Variants in STK33 observed in about 807,000 individuals in gnomAD.
The protein encoded by STK33 is serine/threonine kinase 33.
In STK33, 52 loss-of-function variants were observed where a neutral mutation model predicts 58.0. The ratio of observed to expected loss-of-function variants is 0.90; its 90% CI spans 0.72 to 1.13. The LOEUF is 1.13. Ranked by LOEUF, STK33 falls within the 50% of genes most tolerant of loss-of-function variation. The pLI is 0.00. For missense variants in STK33, 630 were observed against 604.2 expected, an observed-to-expected ratio of 1.04 and a Z score of -0.45; for synonymous variants, 215 against 200.1, an observed-to-expected ratio of 1.07 and a Z score of -0.63.
chr11:8,453,383 T>A (rs953603894), intron 10 of STK33, among the ~76,000 whole-genome samples: 7 of 152,214 alleles, frequency 4.6e-5, no homozygotes, highest in Admixed American at 3.3e-4. Flanking sequence ...AACTCTCCTT[T>A]TTTATAATTA....
chr11:8,364,180 C>A, the STK33 span, among the ~76,000 whole-genome samples: 2 of 152,236 alleles, frequency 1.3e-5, no homozygotes, highest in African/African-American at 4.8e-5. Flanking sequence ...TCACTAAGTT[C>A]CTCTGCTGCA....
At chr11:8,452,314 A>C (rs1946381727) in intron 11 of STK33, among the ~76,000 whole-genome samples, 3 of 152,234 alleles carry the variant, frequency 2.0e-5, no homozygotes, top group Non-Finnish European at 4.4e-5. Context: ...CTTTAAGAAG[A>C]GCCCAGAGAA....
At chr11:8,522,679 A>G (rs1227025775) in intron 1 of STK33, among the ~76,000 whole-genome samples, 1 of 152,232 alleles carries the variant, frequency 6.6e-6, no homozygotes, top group East Asian at 1.9e-4. Flanking sequence ...ACATCAAACT[A>G]AAAATCTGCA....
At chr11:8,573,922 T>C (rs1464713780) in intron 1 of STK33, among the ~76,000 whole-genome samples, 1 of 152,116 alleles carries the variant, frequency 6.6e-6, no homozygotes, top group Non-Finnish European at 1.5e-5. Flanking sequence ...GAGGGGTAGG[T>C]ATGAGTATAA....
intron 1 of STK33, among the ~76,000 whole-genome samples, chr11:8,572,767 AAATAC>A (rs1286829857): frequency 6.6e-6 from 1 of 151,998 alleles, no homozygotes; most frequent in Non-Finnish European, 1.5e-5. Context: ...TACAGATGAA[AAATAC>A]AATACCTAAA....
At chr11:8,382,645 T>C in the STK33 span, among the ~76,000 whole-genome samples, 1 of 152,160 alleles carries the variant, frequency 6.6e-6, no homozygotes, top group African/African-American at 2.4e-5. Context: ...TCACCCTGTT[T>C]GGAGGGTCCA....
intron 15 of STK33, among the ~76,000 whole-genome samples, chr11:8,398,045 T>C (rs1361700810): frequency 1.5e-4 from 23 of 152,152 alleles, no homozygotes; most frequent in Admixed American, 1.5e-3. Context: ...CTGCACGATA[T>C]TATCCAGGAG....
intron 1 of STK33, among the ~76,000 whole-genome samples, chr11:8,539,329 C>A (rs1379304467): frequency 6.6e-6 from 1 of 152,200 alleles, no homozygotes; most frequent in African/African-American, 2.4e-5. Context: ...CACGGTGCTG[C>A]ATCTCAAAAT....
intron 1 of STK33, among the ~76,000 whole-genome samples, chr11:8,559,682 C>T (rs545862039): frequency 7.2e-4 from 110 of 152,062 alleles, no homozygotes; most frequent in Non-Finnish European, 1.4e-3. Flanking sequence ...TTTTTGTTTG[C>T]TTTTAATTAC....
intron 2 of STK33, among the ~76,000 whole-genome samples, chr11:8,480,043 T>A (rs1231403768): frequency 6.6e-6 from 1 of 152,172 alleles, no homozygotes; most frequent in Admixed American, 6.5e-5. Flanking sequence ...GGGGATCATA[T>A]GGAGAAGAGA....
At chr11:8,386,401 T>C in the STK33 span, among the ~76,000 whole-genome samples, 2 of 152,226 alleles carry the variant, frequency 1.3e-5, no homozygotes, top group African/African-American at 4.8e-5. Flanking sequence ...AACCAGGTAA[T>C]TACTTCTGGA....
At chr11:8,583,965 C>T (rs1045522333) in intron 1 of STK33, among the ~76,000 whole-genome samples, 2 of 152,086 alleles carry the variant, frequency 1.3e-5, no homozygotes, top group Admixed American at 6.6e-5. Flanking sequence ...ACAGCTATTA[C>T]AATTTCAATT....
At chr11:8,486,092 C>T (rs1472741392) in intron 1 of STK33, among the ~76,000 whole-genome samples, 1 of 152,156 alleles carries the variant, frequency 6.6e-6, no homozygotes, top group Non-Finnish European at 1.5e-5. Context: ...CCTAACTGGT[C>T]AACCTGACTC....
At chr11:8,479,685 A>C (rs1408323253) in intron 2 of STK33, among the ~76,000 whole-genome samples, 5 of 152,100 alleles carry the variant, frequency 3.3e-5, no homozygotes, top group Admixed American at 6.5e-5. Flanking sequence ...TCTACAAAAA[A>C]TACAAAAATT....
intron 14 of STK33, among the ~76,000 whole-genome samples, chr11:8,424,263 T>G (rs1244889681): frequency 6.6e-6 from 1 of 151,490 alleles, no homozygotes; most frequent in African/African-American, 2.4e-5. Flanking sequence ...CTTGCGATAG[T>G]TTGCTGAGAA....
intron 14 of STK33, among the ~76,000 whole-genome samples, chr11:8,421,386 G>C (rs554632629): frequency 6.6e-6 from 1 of 152,194 alleles, no homozygotes; most frequent in African/African-American, 2.4e-5. Flanking sequence ...TCCATTTATT[G>C]AATAGTCCCT....
chr11:8,569,850 G>A (rs1053075847), intron 1 of STK33, among the ~76,000 whole-genome samples: 1 of 152,066 alleles, frequency 6.6e-6, no homozygotes, highest in Non-Finnish European at 1.5e-5. Flanking sequence ...TCAGCTACTC[G>A]GGAGGCTGAG....
chr11:8,473,107 C>T lies in STK33; in HGVS notation c.339+56G>A, dbSNP rs556577415. On this transcript the variant is annotated intron_variant, in intron 6 of 15. Transcript: ENST00000687296. ...TTTTTCAATCATTTTTCCTATTAAC[C>T]ATTGACTTAGAAGAAACCTGAAAGT... The T allele has an allele frequency of 4.4e-5, 46 of 1,043,960 alleles. No individual in the cohort carries two copies. In the African/African-American group the frequency reaches 5.7e-4, roughly 13 times the overall value. 64.7% of individuals were successfully genotyped at this position (1,043,960 alleles called of 1,614,324 possible). A position where few individuals can be genotyped will look rare whatever the true frequency, so the allele number is the denominator to read the frequency against.
chr11:8,523,868 C>T (rs776033639), intron 1 of STK33, among the ~76,000 whole-genome samples: 3 of 152,070 alleles, frequency 2.0e-5, no homozygotes, highest in African/African-American at 7.2e-5. Flanking sequence ...GCGGTTTTGT[C>T]GAATAGAAAA....
Sources: gnomAD v4.1 joint callset for allele counts (sites outside exome capture counted in the v4.1 genomes callset) on GRCh38, gnomAD v4.1.1 for gene constraint, MANE v1.5 for transcripts, NCBI Gene and HGNC (gene_info 2026-07-23, HGNC 2026-07-21) for gene names.